The following SIN3B variants were observed in gnomAD, a reference collection of about 807,000 sequenced individuals.
SIN3B encodes the protein paired amphipathic helix protein Sin3b.
In SIN3B, 19 loss-of-function variants were observed where a neutral mutation model predicts 120.2. The observed-to-expected ratio is 0.16, with a 90% confidence interval of 0.11 to 0.23. SIN3B has a LOEUF of 0.23. Among genes scored for constraint, SIN3B ranks in the 10% least tolerant of loss-of-function variants. The pLI, the probability that SIN3B is intolerant of heterozygous loss-of-function variation, is 1.00. For synonymous variants in SIN3B, 654 were observed against 653.2 expected, an observed-to-expected ratio of 1.00 and a Z score of -0.02; for missense variants, 1,073 against 1,573.0, an observed-to-expected ratio of 0.68 and a Z score of 5.38.
At chr19:16,872,260 A>G (rs2051521346) in intron 14 of SIN3B, among the ~76,000 whole-genome samples, 1 of 151,914 alleles carries the variant, frequency 6.6e-6, no homozygotes, top group African/African-American at 2.4e-5. Context: ...AGCATTTCAG[A>G]CAGGACGTTT....
chr19:16,873,505 G>A (rs950170537), intron 14 of SIN3B, among the ~76,000 whole-genome samples: 4 of 150,800 alleles, frequency 2.7e-5, no homozygotes, highest in Admixed American at 2.0e-4. Context: ...ACGCCAGGGG[G>A]CTGGCAGTCT....
chr19:16,876,557 G>A lies in SIN3B; in HGVS notation c.2838G>A (p.Thr946=), dbSNP rs762109401. Residue 946 remains threonine (T), a synonymous_variant, in exon 16 of 19, where the codon ACG becomes ACA. Transcript: ENST00000248054. The surrounding 1 kb of genome is among the most constrained non-coding windows in gnomAD (Gnocchi z 7.1). The part of the protein sequence containing the change: ...IELLDTEEAQ[T]EDPVEVQHLA... ...TCCTGGACACCGAGGAGGCCCAGAC[G>A]GAGGACCCTGTGGAGGTCCAGGTGA... The A allele has an allele frequency of 7.6e-5, 122 of 1,613,250 alleles. No homozygotes were observed. The highest frequency in any genetic ancestry group is 8.9e-5 in the East Asian group (4 of 44,876).
At chr19:16,834,107 C>T (rs1971314722) in intron 3 of SIN3B, among the ~76,000 whole-genome samples, 1 of 152,108 alleles carries the variant, frequency 6.6e-6, no homozygotes, top group Admixed American at 6.6e-5. Context: ...GCAAATGAAG[C>T]CCCAGGATCC....
chr19:16,850,053 T>C (rs1971525594), intron 5 of SIN3B, among the ~76,000 whole-genome samples: 1 of 152,006 alleles, frequency 6.6e-6, no homozygotes, highest in Admixed American at 6.6e-5. Context: ...TGGGTAATTA[T>C]TCCCCCCAAA....
Position 16,865,613 on chromosome 19 carries a change from G to C in SIN3B, c.1587G>C (p.Lys529Asn). The C allele has an allele frequency of 6.2e-7, 1 of 1,611,742 alleles. No individual in the cohort carries two copies. Among genetic ancestry groups the C allele is most frequent in the Non-Finnish European group, 8.5e-7 (1 of 1,178,732 alleles). The change falls in exon 11 of 19, where the codon AAG becomes AAC. Residue 529 changes from lysine (K) to asparagine (N), a missense_variant. Lys to Asn is a moderately conservative substitution (Grantham distance 94, BLOSUM62 0). Around this residue, in one of 7 missense-constraint regions of SIN3B, gnomAD observed 118 missense variants for 281.6 expected, o/e 0.42. Transcript: ENST00000248054. ...KAPEIIESLK[K>N]NPVTAVPVVL... ...CGGAGATCATCGAGAGCCTCAAGAA[G>C]AACCCTGTCACCGCTGTCCCCGTTG...
Position 16,876,004 on chromosome 19 carries a change from G to C in SIN3B, c.2593-51G>C. ...TCGACTTCCTCTGTGGGTGAGGTGG[G>C]GACTCCCGCAGGAGGCGGGGTGGCC... On this transcript the variant is annotated intron_variant, in intron 14 of 18. Transcript: ENST00000248054. This position sits in a 1 kb window ranked among gnomAD's most constrained non-coding sequence, Gnocchi z 7.1. 6.6e-7 allele frequency: 1 copy of C among 1,512,552 alleles called. No homozygotes were observed. Among genetic ancestry groups the C allele is most frequent in the African/African-American group, 1.4e-5 (1 of 72,800 alleles). 93.7% of individuals were successfully genotyped at this position (1,512,552 alleles called of 1,614,324 possible).
intron 5 of SIN3B, among the ~76,000 whole-genome samples, chr19:16,848,388 GTC>G (rs1363235139): frequency 7.0e-6 from 1 of 143,360 alleles, no homozygotes; most frequent in East Asian, 2.0e-4. Context: ...TGCGGTTTCT[GTC>G]TCTCCACATG....
intron 10 of SIN3B, among the ~76,000 whole-genome samples, chr19:16,864,163 G>A (rs928580164): frequency 6.6e-6 from 1 of 151,986 alleles, no homozygotes; most frequent in African/African-American, 2.4e-5. Flanking sequence ...GCGTGGTGGC[G>A]GGCGCCTGTA....
At chr19:16,857,865 CTCTTTTCTTTTCTTT>C (rs555825911) in intron 8 of SIN3B, among the ~76,000 whole-genome samples, 1 of 152,014 alleles carries the variant, frequency 6.6e-6, no homozygotes, top group African/African-American at 2.4e-5. Flanking sequence ...CTTTTCTCTT[CTCTTTTCTTTTCTTT>C]TCTTTTCTTT....
chr19:16,867,567 C>T (rs1398518459), intron 12 of SIN3B, among the ~76,000 whole-genome samples: 21 of 152,170 alleles, frequency 1.4e-4, no homozygotes, highest in Non-Finnish European at 5.9e-5. Context: ...GCACACTACT[C>T]CCCAGGCAGT....
At chr19:16,864,475 C>CA (rs1187093295) in intron 10 of SIN3B, among the ~76,000 whole-genome samples, 4 of 142,358 alleles carry the variant, frequency 2.8e-5, no homozygotes, top group Middle Eastern at 3.4e-3. Flanking sequence ...ACCACAAGTC[C>CA]ATACTACCAT....
At position 16,876,832 on chromosome 19, in the gene SIN3B, G is replaced by GAACCAA; in HGVS notation, c.2859+255_2859+260dup. The GAACCAA allele has an allele frequency of 2.3e-6, 1 of 433,370 alleles. No individual in the cohort carries two copies. The highest frequency in any genetic ancestry group is 4.1e-6 in the Non-Finnish European group (1 of 241,416). 26.8% of individuals were successfully genotyped at this position (433,370 alleles called of 1,614,324 possible). A position where few individuals can be genotyped will look rare whatever the true frequency, so the allele number is the denominator to read the frequency against. On this transcript the variant is annotated intron_variant, in intron 16 of 18. Transcript: ENST00000248054. The surrounding 1 kb of genome is among the most constrained non-coding windows in gnomAD (Gnocchi z 7.1). ...GCGGTTGTGTCCCAGGGCAGGAGGG[G>GAACCAA]AACCAAGCCACCTCTCCCTGGCCCC...
chr19:16,842,612 C>T (rs1971432244), intron 4 of SIN3B, among the ~76,000 whole-genome samples: 1 of 152,122 alleles, frequency 6.6e-6, no homozygotes. Context: ...ATTGCTTAGG[C>T]AATACGGCCA....
At chr19:16,834,684 T>A (rs1292867871) in intron 3 of SIN3B, among the ~76,000 whole-genome samples, 1 of 152,120 alleles carries the variant, frequency 6.6e-6, no homozygotes, top group Non-Finnish European at 1.5e-5. Context: ...CAGTTGATAT[T>A]GACACAGGTG....
At chr19:16,873,303 T>C (rs2051536699) in intron 14 of SIN3B, among the ~76,000 whole-genome samples, 1 of 152,182 alleles carries the variant, frequency 6.6e-6, no homozygotes, top group Admixed American at 6.5e-5. Flanking sequence ...GAGGACTTAG[T>C]GAAACCCATA....
At chr19:16,852,078 G>A (rs920137003) in intron 6 of SIN3B, among the ~76,000 whole-genome samples, 2 of 152,154 alleles carry the variant, frequency 1.3e-5, no homozygotes, top group African/African-American at 2.4e-5. Context: ...TAGTGTTGAT[G>A]TCCATACTGT....
chr19:16,845,532 C>T (rs1971468056), intron 4 of SIN3B, among the ~76,000 whole-genome samples: 1 of 152,222 alleles, frequency 6.6e-6, no homozygotes, highest in Non-Finnish European at 1.5e-5. Context: ...CTTGGCCTCC[C>T]AAAGTGCTGG....
chr19:16,853,188 G>A, intron 7 of SIN3B, 30 bp downstream of exon 7: 1 of 1,600,138 alleles, frequency 6.2e-7, no homozygotes, highest in Non-Finnish European at 8.6e-7. Flanking sequence ...TCCATCTTGG[G>A]GATGCCATGT....
intron 14 of SIN3B, among the ~76,000 whole-genome samples, chr19:16,875,115 TG>T (rs2051572954): frequency 6.6e-6 from 1 of 151,020 alleles, no homozygotes; most frequent in Non-Finnish European, 1.5e-5. Context: ...TGGTCTGGTC[TG>T]GTTTGGTTTT....
Sources: allele counts gnomAD v4.1 joint callset (sites outside exome capture counted in the v4.1 genomes callset), GRCh38; gene constraint gnomAD v4.1.1; regional missense constraint gnomAD v4.1.1; non-coding constraint Gnocchi (gnomAD v3.1); transcripts MANE v1.5; gene names NCBI Gene and HGNC (gene_info 2026-07-23, HGNC 2026-07-21).